The following CORO2B variants were observed in gnomAD, a reference collection of about 807,000 sequenced individuals.
The protein encoded by CORO2B is coronin-2B.
CORO2B carries 26 observed loss-of-function variants against 58.8 expected under a neutral mutation model. That is an observed-to-expected ratio of 0.44 (90% CI 0.32 to 0.61). The LOEUF is 0.61. Ranked by LOEUF, CORO2B falls within the 20% of genes least tolerant of loss-of-function variation. The pLI is 0.04. For synonymous variants in CORO2B, 242 were observed against 253.8 expected (o/e 0.95, Z 0.44); for missense variants, 460 against 645.1 (o/e 0.71, Z 3.11).
intron 2 of CORO2B, among the ~76,000 whole-genome samples, chr15:68,661,169 G>A (rs1176692721): frequency 6.6e-6 from 1 of 151,962 alleles, no homozygotes; most frequent in African/African-American, 2.4e-5. Flanking sequence ...GTAGAGACGG[G>A]GTTTCACCAT....
At chr15:68,537,430 G>T in the CORO2B span, among the ~76,000 whole-genome samples, 3 of 152,218 alleles carry the variant, frequency 2.0e-5, no homozygotes, top group South Asian at 6.2e-4. Context: ...TACAGCCCAT[G>T]GCTGTAGTAG....
chr15:68,645,139 G>A lies in CORO2B; in HGVS notation c.16-21G>A, dbSNP rs1372816732. 1.4e-5 allele frequency: 22 copies of A among 1,612,084 alleles called. No homozygotes were observed. Among genetic ancestry groups the A allele is most frequent in the Non-Finnish European group, 5.9e-6 (7 of 1,179,060 alleles). ...TGGCACAGGGCCCAGCCTGACCCTT[G>A]TCTCTCCTGGCCCCTCACAGATGTC... On this transcript the variant is annotated intron_variant, in intron 1 of 11. Coordinates refer to ENST00000261861, the MANE Select transcript of CORO2B (RefSeq NM_006091.5). This position sits in a 1 kb window ranked among gnomAD's most constrained non-coding sequence, Gnocchi z 4.5.
At chr15:68,602,554 A>G (rs1163016886) in intron 1 of CORO2B, among the ~76,000 whole-genome samples, 3 of 152,250 alleles carry the variant, frequency 2.0e-5, no homozygotes, top group South Asian at 2.1e-4. Flanking sequence ...GCCTCTCCCT[A>G]TCGTGTACTA....
intron 2 of CORO2B, among the ~76,000 whole-genome samples, chr15:68,673,051 T>C (rs115997762): frequency 0.012 from 1,810 of 152,098 alleles, 30 homozygotes; most frequent in African/African-American, 0.042. Flanking sequence ...TACAAACAAG[T>C]TGTAGCTTAC....
At chr15:68,691,157 G>A (rs1229991610) in intron 2 of CORO2B, among the ~76,000 whole-genome samples, 9 of 150,228 alleles carry the variant, frequency 6.0e-5, no homozygotes, top group South Asian at 2.1e-4. Context: ...GTGAAACCCC[G>A]TCTCTACTAA....
At chr15:68,669,502 C>T (rs979790661) in intron 2 of CORO2B, among the ~76,000 whole-genome samples, 10 of 152,034 alleles carry the variant, frequency 6.6e-5, no homozygotes, top group African/African-American at 2.2e-4. Flanking sequence ...GTATGCTTTG[C>T]GTGAATGCAT....
At chr15:68,606,852 C>T (rs562645303) in intron 1 of CORO2B, among the ~76,000 whole-genome samples, 6 of 152,206 alleles carry the variant, frequency 3.9e-5, no homozygotes, top group East Asian at 3.9e-4. Flanking sequence ...GAAGACATTA[C>T]GGGACCCCTG....
chr15:68,666,834 G>A (rs11637064), intron 2 of CORO2B, among the ~76,000 whole-genome samples: 147,265 of 152,232 alleles, frequency 0.97, 71,426 homozygotes, highest in East Asian at 1. Flanking sequence ...AAAAATACAC[G>A]GTTTTGTAGT....
chr15:68,606,500 G>A (rs904466100), intron 1 of CORO2B, among the ~76,000 whole-genome samples: 2 of 152,110 alleles, frequency 1.3e-5, no homozygotes, highest in Admixed American at 6.5e-5. Context: ...TGTAAGTACC[G>A]TCCTGCTACA....
intron 10 of CORO2B, 64 bp downstream of exon 10, chr15:68,719,298 C>A: frequency 1.3e-6 from 2 of 1,596,272 alleles, no homozygotes; most frequent in Non-Finnish European, 1.7e-6. Context: ...GCGCAGCTCA[C>A]CCCAGTTCTC....
At chr15:68,530,769 A>G in the CORO2B span, among the ~76,000 whole-genome samples, 1 of 152,206 alleles carries the variant, frequency 6.6e-6, no homozygotes, top group South Asian at 2.1e-4. Context: ...ATACTAATGT[A>G]GTCAAACCAG....
intron 2 of CORO2B, among the ~76,000 whole-genome samples, chr15:68,663,319 A>G (rs1902074974): frequency 6.6e-6 from 1 of 152,142 alleles, no homozygotes; most frequent in South Asian, 2.1e-4. Context: ...AAGTATTTCC[A>G]TTGTTTCTTA....
At chr15:68,702,825 T>C (rs935098489) in intron 3 of CORO2B, among the ~76,000 whole-genome samples, 14 of 137,340 alleles carry the variant, frequency 1.0e-4, no homozygotes, top group South Asian at 4.9e-4. Flanking sequence ...CTTTTTCTTT[T>C]TTTTTTTTTT....
chr15:68,544,961 C>G, the CORO2B span, among the ~76,000 whole-genome samples: 3,132 of 152,116 alleles, frequency 0.021, 124 homozygotes, highest in African/African-American at 0.069. Flanking sequence ...ATTTTTAGTA[C>G]AGACGGGGTT....
intron 3 of CORO2B, among the ~76,000 whole-genome samples, chr15:68,708,351 T>TTTC (rs1169804961): frequency 2.0e-5 from 3 of 150,152 alleles, no homozygotes; most frequent in Non-Finnish European, 3.0e-5. Context: ...GCTTTCTTTT[T>TTTC]TTCTTCTTTT....
intron 2 of CORO2B, among the ~76,000 whole-genome samples, chr15:68,680,615 C>A (rs1264663090): frequency 1.3e-5 from 2 of 152,158 alleles, no homozygotes; most frequent in African/African-American, 2.4e-5. Flanking sequence ...TTGTGTCCAG[C>A]ACGATTCCAG....
the CORO2B span, among the ~76,000 whole-genome samples, chr15:68,525,260 AGGGGGGAC>A: frequency 6.6e-6 from 1 of 152,226 alleles, no homozygotes; most frequent in Non-Finnish European, 1.5e-5. Flanking sequence ...CTCAAAATTC[AGGGGGGAC>A]GGGGGACAGA....
At chr15:68,634,861 G>T (rs920830258) in intron 1 of CORO2B, among the ~76,000 whole-genome samples, 3 of 152,186 alleles carry the variant, frequency 2.0e-5, no homozygotes, top group African/African-American at 7.2e-5. Flanking sequence ...GGTGGGGCCT[G>T]GGATTCTCCA....
At chr15:68,637,665 C>T (rs1363387818) in intron 1 of CORO2B, among the ~76,000 whole-genome samples, 1 of 152,106 alleles carries the variant, frequency 6.6e-6, no homozygotes, top group African/African-American at 2.4e-5. Flanking sequence ...CAGCACATGA[C>T]CCAGGAGAGG....
Sources: gnomAD v4.1 joint callset for allele counts (sites outside exome capture counted in the v4.1 genomes callset) on GRCh38, gnomAD v4.1.1 for gene constraint, Gnocchi (gnomAD v3.1) non-coding constraint, MANE v1.5 for transcripts, NCBI Gene and HGNC (gene_info 2026-07-23, HGNC 2026-07-21) for gene names.